The following SMC2 variants were observed in gnomAD, a reference collection of about 807,000 sequenced individuals.
SMC2 encodes the protein structural maintenance of chromosomes protein 2.
Under a neutral mutation model 142.6 loss-of-function variants are expected in SMC2, and 41 were observed. The observed-to-expected ratio is 0.29, with a 90% CI of 0.22 to 0.37. The LOEUF (loss-of-function observed/expected upper bound fraction) is 0.37, where lower values mean the gene tolerates loss of function less well. SMC2 is among the 10% of genes least tolerant of loss of function. The pLI is 1.00. For synonymous variants in SMC2, 463 were observed against 457.5 expected (o/e 1.01, Z -0.15); for missense variants, 1,265 against 1,373.7 (o/e 0.92, Z 1.25).
chr9:104,134,401 T>A lies in SMC2; in HGVS notation c.3109-14T>A, dbSNP rs1259316336. ...GCATCCTGATGTTTTAACTTTTTTA[T>A]TTTTTAAATCCAGGTGAACAAGGAC... On this transcript the variant is annotated splice_polypyrimidine_tract_variant and intron_variant, in intron 22 of 24. Coordinates refer to ENST00000374793, the MANE Select transcript of SMC2 (RefSeq NM_006444.3). 6.4e-7 allele frequency: 1 copy of A among 1,561,004 alleles called. No homozygotes were observed. Among genetic ancestry groups the A allele is most frequent in the African/African-American group, 1.4e-5 (1 of 71,690 alleles).
At chr9:104,118,462 A>ACTT in intron 15 of SMC2, 87 bp downstream of exon 15, 1 of 1,047,360 alleles carries the variant, frequency 9.5e-7, no homozygotes, top group Non-Finnish European at 1.4e-6. Context: ...CCAACTACCC[A>ACTT]CTTCTTCAGG....
Position 104,095,317 on chromosome 9 carries a change from C to G in SMC2, c.-61-7C>G. On this transcript the variant is annotated splice_region_variant and splice_polypyrimidine_tract_variant and intron_variant, in intron 1 of 24. Coordinates refer to ENST00000374793, the MANE Select transcript of SMC2 (RefSeq NM_006444.3). The stretch of plus-strand genomic sequence containing the variant: ...CACTTAGGTGGTGGTATTTCTGTTT[C>G]GTACAGAACTGGTTTGTGGCCTGTT... The G allele has an allele frequency of 7.7e-7, 1 of 1,292,796 alleles. No homozygotes were observed. The allele number at this position is 1,292,796 out of a possible 1,614,324, so 80.1% of individuals were successfully genotyped here.
chr9:104,102,643 CTATT>C, intron 9 of SMC2, 70 bp downstream of exon 9: 1 of 1,414,956 alleles, frequency 7.1e-7, no homozygotes, highest in Non-Finnish European at 9.5e-7. Flanking sequence ...GTACATTTAT[CTATT>C]CCATGAATAT....
chr9:104,099,711 A>G (rs904496164), intron 5 of SMC2, 29 bp downstream of exon 5: 1 of 1,284,162 alleles, frequency 7.8e-7, no homozygotes, highest in African/African-American at 1.5e-5. Context: ...GACATTAAAA[A>G]TAGTTGGTAT....
In SMC2 at chr9:104,123,235, A is replaced by G; in HGVS notation, c.2257+3A>G. 1 of 1,611,938 alleles carries G rather than the reference A, an allele frequency of 6.2e-7. No individual in the cohort carries two copies. The highest frequency in any genetic ancestry group is 8.5e-7 in the Non-Finnish European group (1 of 1,178,882). ...AGATGCCCTTAAAAAAACCATTGGT[A>G]AGATGAAAACAGTCCATGCTTAATC... is the stretch of plus-strand genomic sequence containing the variant. On this transcript the variant is annotated splice_donor_region_variant and intron_variant, in intron 17 of 24. Coordinates refer to ENST00000374793, the MANE Select transcript of SMC2 (RefSeq NM_006444.3).
chr9:104,129,173 TTCA>T (rs1310203919), intron 20 of SMC2, among the ~76,000 whole-genome samples: 1 of 152,154 alleles, frequency 6.6e-6, no homozygotes, highest in Admixed American at 6.6e-5. Context: ...GGTAAAAATA[TTCA>T]TCTTTATTCT....
chr9:104,133,349 A>G (rs899783161), intron 22 of SMC2, among the ~76,000 whole-genome samples: 3 of 152,158 alleles, frequency 2.0e-5, no homozygotes, highest in African/African-American at 7.2e-5. Flanking sequence ...CACTTGGCCT[A>G]GAACCTGCTT....
At chr9:104,118,882 A>G (rs1300100295) in intron 15 of SMC2, among the ~76,000 whole-genome samples, 1 of 152,198 alleles carries the variant, frequency 6.6e-6, no homozygotes, top group Non-Finnish European at 1.5e-5. Context: ...ATAAAGCCCT[A>G]TTCTATGGGC....
At chr9:104,108,060 T>C (rs1449449982) in intron 9 of SMC2, among the ~76,000 whole-genome samples, 2 of 152,130 alleles carry the variant, frequency 1.3e-5, no homozygotes, top group African/African-American at 4.8e-5. Context: ...CCGTACTCAG[T>C]GGTGGGAACT....
In SMC2 at chr9:104,118,254, A is replaced by G. The variant is rs1427837571; in HGVS notation, c.1875A>G (p.Gly625=). The G allele has an allele frequency of 6.2e-7, 1 of 1,613,664 alleles. No individual in the cohort carries two copies. Among genetic ancestry groups the G allele is most frequent in the East Asian group, 2.2e-5 (1 of 44,868 alleles). ...ELQKAMEFVF[G]TTFVCDNMDN... Reference sequence around the variant, plus strand: ...AGAAAGCAATGGAGTTTGTCTTTGGAACAACATTTGTTTGTGACAATATGG... The same window carrying G: ...AGAAAGCAATGGAGTTTGTCTTTGGGACAACATTTGTTTGTGACAATATGG... Residue 625 remains glycine (G), a synonymous_variant, in exon 15 of 25, where the codon GGA becomes GGG. Transcript: ENST00000374793.
rs1831275248 is a variant in SMC2, at chr9:104,102,500, C to T, written c.947C>T (p.Ala316Val). The T allele has an allele frequency of 1.9e-6, 3 of 1,613,516 alleles. No individual in the cohort carries two copies. Among genetic ancestry groups the T allele is most frequent in the Non-Finnish European group, 2.5e-6 (3 of 1,179,712 alleles). The change falls in exon 9 of 25, where the codon GCA (alanine) becomes GTA (valine). Residue 316 changes from alanine (A) to valine (V), a missense_variant. Ala to Val is a moderately conservative substitution (Grantham distance 64). Around this residue, in one of 4 missense-constraint regions of SMC2, gnomAD observed 898 missense variants for 904.2 expected, o/e 0.99. Transcript: ENST00000374793. ...CGAGTTAATACTAAATCTCAAAGCGCATTTGATCTCAAGAAGAAAAATCTG... is the reference window on the plus strand; with the variant it reads ...CGAGTTAATACTAAATCTCAAAGCGTATTTGATCTCAAGAAGAAAAATCTG... ...AQRVNTKSQS[A>V]FDLKKKNLAC...
At chr9:104,098,610 C>T (rs781210735) in intron 4 of SMC2, 42 bp downstream of exon 4, 65 of 1,553,372 alleles carry the variant, frequency 4.2e-5, no homozygotes, top group South Asian at 9.8e-5. Context: ...GTAATAGTTT[C>T]GACATTTTTT....
At position 104,138,115 on chromosome 9, in the gene SMC2, C is replaced by A. The variant is rs1424391981; in HGVS notation, c.3367C>A (p.His1123Asn). 6.2e-7 allele frequency: 1 copy of A among 1,610,074 alleles called. No homozygotes were observed. The highest frequency in any genetic ancestry group is 8.5e-7 in the Non-Finnish European group (1 of 1,177,410). ...GGTAGATGCAGCCTTGGATCTTTCT[C>A]ATACCCAAAACATTGGACAGATGCT... is the stretch of plus-strand genomic sequence containing the variant. ...DEVDAALDLS[H>N]TQNIGQMLRT... Residue 1123 changes from histidine to asparagine, a missense_variant, in exon 24 of 25, where the codon CAT (histidine) becomes AAT (asparagine). Physicochemically the swap from His to Asn is moderately conservative, Grantham distance 68 (BLOSUM62 1). This residue lies in a region of SMC2 where 192 missense variants were observed against 261.9 expected (regional missense o/e 0.73). Transcript: ENST00000374793.
chr9:104,122,918 C>T (rs1833890110), intron 16 of SMC2, among the ~76,000 whole-genome samples, 190 bp from the exon 17 acceptor site: 1 of 151,888 alleles, frequency 6.6e-6, no homozygotes, highest in African/African-American at 2.4e-5. Context: ...CTTCAATGAC[C>T]AGATCTAAAT....
At position 104,095,372 on chromosome 9, in the gene SMC2, G is replaced by A. The variant is rs1367028515; in HGVS notation, c.-13G>A. 1.2e-6 allele frequency: 2 copies of A among 1,610,644 alleles called. No homozygotes were observed. The highest frequency in any genetic ancestry group is 1.7e-5 in the Admixed American group (1 of 59,970). On this transcript the variant is annotated 5_prime_UTR_variant, in exon 2 of 25. Coordinates refer to ENST00000374793, the MANE Select transcript of SMC2 (RefSeq NM_006444.3). ...TCCTGTCAGAGGTTTGCTGACCCAA[G>A]ACAGTATCGAAAATGCATATTAAGT...
intron 3 of SMC2, 47 bp downstream of exon 3, chr9:104,096,344 G>C (rs745403488): frequency 2.5e-6 from 4 of 1,588,004 alleles, no homozygotes; most frequent in Admixed American, 1.7e-5. Flanking sequence ...TTTTATGTCT[G>C]ATGTGGTTTT....
intron 5 of SMC2, 90 bp from the exon 6 acceptor site, chr9:104,100,003 T>C: frequency 1.3e-6 from 1 of 761,522 alleles, no homozygotes; most frequent in South Asian, 1.7e-5. Flanking sequence ...AGATGTTTAG[T>C]GAGGTCAAGG....
upstream of SMC2, among the ~76,000 whole-genome samples, chr9:104,091,377 T>C (rs1252702419): frequency 7.0e-6 from 1 of 142,124 alleles, no homozygotes; most frequent in Non-Finnish European, 1.5e-5. Flanking sequence ...CACTACGATG[T>C]TACAACATCA....
intron 17 of SMC2, 70 bp from the exon 18 acceptor site, chr9:104,124,842 C>G (rs547542257): frequency 2.4e-5 from 28 of 1,183,782 alleles, no homozygotes; most frequent in Non-Finnish European, 3.2e-5. Flanking sequence ...ACCATTTCTT[C>G]TATTAAAAGT....
Sources: allele counts gnomAD v4.1 joint callset (sites outside exome capture counted in the v4.1 genomes callset), GRCh38; gene constraint gnomAD v4.1.1; regional missense constraint gnomAD v4.1.1; transcripts MANE v1.5; gene names NCBI Gene and HGNC (gene_info 2026-07-23, HGNC 2026-07-21).